The following MARCHF1 variants were observed in gnomAD, a reference collection of about 807,000 sequenced individuals.
MARCHF1 encodes E3 ubiquitin-protein ligase MARCHF1.
In MARCHF1, 40 loss-of-function variants were observed where a neutral mutation model predicts 54.2. The ratio of observed to expected loss-of-function variants is 0.74; its 90% CI spans 0.57 to 0.96. MARCHF1 has a LOEUF of 0.96. Among genes scored for constraint, MARCHF1 ranks in the 40% least tolerant of loss-of-function variants. MARCHF1 has a pLI of 0.00. For synonymous variants in MARCHF1, 236 were observed against 236.3 expected (o/e 1.00, Z 0.01); for missense variants, 586 against 656.5 (o/e 0.89, Z 1.17).
chr4:163,788,599 T>G (rs1579287737), intron 4 of MARCHF1, among the ~76,000 whole-genome samples: 1 of 151,982 alleles, frequency 6.6e-6, no homozygotes, highest in South Asian at 2.1e-4. Context: ...TTTGTCTTAT[T>G]TTTTTCCCAT....
chr4:164,218,953 A>G (rs748913042), intron 1 of MARCHF1, among the ~76,000 whole-genome samples: 2 of 152,148 alleles, frequency 1.3e-5, no homozygotes, highest in African/African-American at 4.8e-5. Context: ...TGTAAAAAGT[A>G]TCCCCAGGAG....
At chr4:164,328,618 C>T (rs186079647) in intron 1 of MARCHF1, among the ~76,000 whole-genome samples, 41 of 152,098 alleles carry the variant, frequency 2.7e-4, no homozygotes, top group African/African-American at 8.4e-4. Context: ...CAACCTCTGC[C>T]TCCTGGGTTC....
intron 1 of MARCHF1, among the ~76,000 whole-genome samples, chr4:164,290,930 G>C (rs190734144): frequency 6.6e-6 from 1 of 151,740 alleles, no homozygotes; most frequent in African/African-American, 2.4e-5. Flanking sequence ...TATACTACTA[G>C]TATCTTATTT....
chr4:164,217,045 A>G (rs1731954687), intron 1 of MARCHF1, among the ~76,000 whole-genome samples: 1 of 152,188 alleles, frequency 6.6e-6, no homozygotes, highest in South Asian at 2.1e-4. Context: ...AGGAAAAAAA[A>G]TTTAAAAACC....
At chr4:163,828,118 T>C (rs1050710377) in intron 4 of MARCHF1, among the ~76,000 whole-genome samples, 10 of 151,958 alleles carry the variant, frequency 6.6e-5, no homozygotes, top group African/African-American at 1.4e-4. Context: ...TGAAAACGTA[T>C]GCTTTTGGTT....
intron 5 of MARCHF1, among the ~76,000 whole-genome samples, chr4:163,659,763 A>C (rs1179777216): frequency 1.3e-5 from 2 of 152,168 alleles, no homozygotes; most frequent in Admixed American, 1.3e-4. Context: ...ACTTCTCAAA[A>C]GAAGACATTT....
chr4:163,955,277 C>T (rs1431054179), intron 3 of MARCHF1, among the ~76,000 whole-genome samples: 1 of 145,092 alleles, frequency 6.9e-6, no homozygotes, highest in Non-Finnish European at 1.5e-5. Flanking sequence ...TCCGGAGTAA[C>T]TCTCCAGAAT....
At chr4:164,359,510 G>T (rs79061058) in intron 1 of MARCHF1, among the ~76,000 whole-genome samples, 16,214 of 152,040 alleles carry the variant, frequency 0.11, 1,449 homozygotes, top group East Asian at 0.29. Context: ...CTTCTGATAC[G>T]CTGTATGTAC....
chr4:164,050,275 C>CAGAAAAAAAAAAAA (rs1754334487), intron 2 of MARCHF1, among the ~76,000 whole-genome samples: 1 of 40,164 alleles, frequency 2.5e-5, no homozygotes, highest in Non-Finnish European at 4.2e-5. Flanking sequence ...ACACTGTCTC[C>CAGAAAAAAAAAAAA]AAAAAAAAAA....
At chr4:163,945,356 TGTGAG>T (rs1456062274) in intron 3 of MARCHF1, among the ~76,000 whole-genome samples, 1 of 152,214 alleles carries the variant, frequency 6.6e-6, no homozygotes. Flanking sequence ...TCTGCTGTCC[TGTGAG>T]ATATTTGATA....
intron 3 of MARCHF1, among the ~76,000 whole-genome samples, chr4:163,962,214 T>C (rs2110813987): frequency 6.6e-6 from 1 of 152,008 alleles, no homozygotes; most frequent in African/African-American, 2.4e-5. Flanking sequence ...ATTAACAAAC[T>C]AATAGACTTA....
At chr4:163,841,416 G>A (rs1446622759) in intron 4 of MARCHF1, among the ~76,000 whole-genome samples, 2 of 150,468 alleles carry the variant, frequency 1.3e-5, no homozygotes, top group African/African-American at 4.9e-5. Flanking sequence ...GTATTGCTAA[G>A]AACATAAAAT....
intron 1 of MARCHF1, among the ~76,000 whole-genome samples, chr4:164,160,121 G>A (rs1202979111): frequency 6.6e-6 from 1 of 152,038 alleles, no homozygotes; most frequent in Non-Finnish European, 1.5e-5. Context: ...AAAGTATAAT[G>A]GTTTTATTAC....
At chr4:164,250,894 C>T (rs1382143278) in intron 1 of MARCHF1, among the ~76,000 whole-genome samples, 1 of 152,102 alleles carries the variant, frequency 6.6e-6, no homozygotes, top group African/African-American at 2.4e-5. Flanking sequence ...CTTGTTACTA[C>T]TTTCAAATTG....
At chr4:164,261,006 C>G (rs1203176874) in intron 1 of MARCHF1, among the ~76,000 whole-genome samples, 2 of 152,060 alleles carry the variant, frequency 1.3e-5, no homozygotes, top group Non-Finnish European at 2.9e-5. Context: ...GTGTTCTAAT[C>G]CACTGTGACT....
chr4:163,851,132 A>C (rs1749630899), intron 4 of MARCHF1, among the ~76,000 whole-genome samples: 1 of 152,164 alleles, frequency 6.6e-6, no homozygotes, highest in South Asian at 2.1e-4. Flanking sequence ...TATCTTCCCC[A>C]AACAGGAAAA....
chr4:164,287,669 T>C lies in MARCHF1; in HGVS notation c.-323+96201A>G, dbSNP rs532391027. Among the ~76,000 whole-genome samples the C allele has an allele frequency of 1.6e-3, 251 of 152,318 alleles. 1 individual carries two copies. Among genetic ancestry groups the C allele is most frequent in the Non-Finnish European group, 2.5e-3 (169 of 68,020 alleles). ...CAAAAGAAAATCATCTGTTTCATCA[T>C]TGTGGTAGAAGCAGTGCTGGGATGA... On this transcript the variant is annotated intron_variant, in intron 1 of 9. Transcript: ENST00000514618.
intron 3 of MARCHF1, among the ~76,000 whole-genome samples, chr4:163,883,932 C>T (rs1750475368): frequency 6.6e-6 from 1 of 152,102 alleles, no homozygotes; most frequent in Non-Finnish European, 1.5e-5. Context: ...TTGCTTGGTG[C>T]ATGAAGTGAC....
intron 2 of MARCHF1, among the ~76,000 whole-genome samples, chr4:164,034,108 T>TAGATAGATAGAC (rs1484023412): frequency 1.4e-4 from 19 of 139,040 alleles, no homozygotes; most frequent in Non-Finnish European, 2.0e-4. Context: ...GATAGATAGA[T>TAGATAGATAGAC]AGATAGATAG....
Sources: allele counts gnomAD v4.1 joint callset (sites outside exome capture counted in the v4.1 genomes callset), GRCh38; gene constraint gnomAD v4.1.1; transcripts MANE v1.5; gene names NCBI Gene and HGNC (gene_info 2026-07-23, HGNC 2026-07-21).